Variants in NELL1 observed in about 807,000 individuals in gnomAD.
NELL1 encodes the protein protein kinase C-binding protein NELL1.
In NELL1, 76 loss-of-function variants were observed where a neutral mutation model predicts 107.4. The ratio of observed to expected loss-of-function variants is 0.71; its 90% CI spans 0.59 to 0.86. NELL1 has a LOEUF of 0.86. Among genes scored for constraint, NELL1 ranks in the 40% least tolerant of loss-of-function variants. NELL1 has a pLI of 0.00. For missense variants in NELL1, 1,024 were observed against 1,005.5 expected (o/e 1.02, Z -0.25); for synonymous variants, 353 against 341.2 (o/e 1.03, Z -0.38).
At chr11:21,228,902 T>A (rs1857968799) in intron 13 of NELL1, among the ~76,000 whole-genome samples, 1 of 151,726 alleles carries the variant, frequency 6.6e-6, no homozygotes, top group African/African-American at 2.4e-5. Context: ...ATTCCTGGCC[T>A]TTATTCCCTA....
At chr11:21,311,820 T>C (rs1849755734) in intron 14 of NELL1, among the ~76,000 whole-genome samples, 1 of 152,178 alleles carries the variant, frequency 6.6e-6, no homozygotes, top group African/African-American at 2.4e-5. Flanking sequence ...TTATACATGG[T>C]ACTATTGTCT....
At chr11:20,691,973 G>A (rs2133867549) in intron 2 of NELL1, among the ~76,000 whole-genome samples, 1 of 152,180 alleles carries the variant, frequency 6.6e-6, no homozygotes, top group Non-Finnish European at 1.5e-5. Flanking sequence ...CCTGTTATTG[G>A]TCTATTCAGA....
chr11:20,671,379 G>A (rs1853905437), intron 1 of NELL1: 1 of 152,332 alleles, frequency 6.6e-6, no homozygotes, highest in African/African-American at 2.4e-5. Context: ...GAAGAAGCTA[G>A]GTAGGGAGGG....
At chr11:20,987,783 A>G (rs1405454273) in intron 12 of NELL1, among the ~76,000 whole-genome samples, 2 of 152,196 alleles carry the variant, frequency 1.3e-5, no homozygotes, top group Non-Finnish European at 2.9e-5. Context: ...AATGAGGATA[A>G]CAATAGTACT....
At chr11:21,442,796 G>A (rs1355806515) in intron 15 of NELL1, among the ~76,000 whole-genome samples, 1 of 152,004 alleles carries the variant, frequency 6.6e-6, no homozygotes, top group African/African-American at 2.4e-5. Context: ...GCACCATTTT[G>A]GAGAGTTTAC....
chr11:20,907,060 C>T (rs1590402510), intron 5 of NELL1, among the ~76,000 whole-genome samples: 1 of 151,938 alleles, frequency 6.6e-6, no homozygotes, highest in East Asian at 1.9e-4. Flanking sequence ...CTCACAGATG[C>T]CATGATTCTA....
chr11:21,393,607 G>C (rs1851924972), intron 15 of NELL1, among the ~76,000 whole-genome samples: 1 of 151,664 alleles, frequency 6.6e-6, no homozygotes, highest in Non-Finnish European at 1.5e-5. Flanking sequence ...TTAGTGACCT[G>C]CATTTGGCTA....
chr11:21,419,752 TAGA>T (rs1478060791), intron 15 of NELL1, among the ~76,000 whole-genome samples: 4 of 152,146 alleles, frequency 2.6e-5, no homozygotes, highest in Admixed American at 2.6e-4. Context: ...AAAGTACACA[TAGA>T]AGATATCAAG....
intron 3 of NELL1, among the ~76,000 whole-genome samples, chr11:20,845,808 G>A (rs1848693337): frequency 6.6e-6 from 1 of 151,968 alleles, no homozygotes; most frequent in South Asian, 2.1e-4. Flanking sequence ...CCGTGGGGAG[G>A]GACATATTTT....
chr11:20,821,938 A>G (rs1016020823), intron 3 of NELL1, among the ~76,000 whole-genome samples: 1 of 152,200 alleles, frequency 6.6e-6, no homozygotes, highest in Admixed American at 6.5e-5. Flanking sequence ...GCCTCTCTCT[A>G]GTTCCCACTG....
chr11:21,108,180 T>G (rs1400380), intron 12 of NELL1, among the ~76,000 whole-genome samples: 54,067 of 152,008 alleles, frequency 0.36, 10,918 homozygotes, highest in African/African-American at 0.55. Context: ...CTTTTTCTAG[T>G]AAATGTTTAT....
At chr11:21,128,660 C>T (rs945331625) in intron 13 of NELL1, among the ~76,000 whole-genome samples, 3 of 152,134 alleles carry the variant, frequency 2.0e-5, no homozygotes, top group Non-Finnish European at 4.4e-5. Context: ...TTAGAAGAGG[C>T]AGACCTTATC....
At chr11:21,215,856 C>G (rs1355488976) in intron 13 of NELL1, among the ~76,000 whole-genome samples, 1 of 152,152 alleles carries the variant, frequency 6.6e-6, no homozygotes, top group East Asian at 1.9e-4. Context: ...GAAAAGAAAA[C>G]TGACTTTCTG....
intron 2 of NELL1, among the ~76,000 whole-genome samples, chr11:20,770,308 C>G (rs560397673): frequency 6.6e-6 from 1 of 152,140 alleles, no homozygotes; most frequent in Non-Finnish European, 1.5e-5. Flanking sequence ...ATGTTTAATA[C>G]AGTCAGAATA....
chr11:20,755,550 G>GTTTTTTTTTTTTTTTTTT (rs1226891368), intron 2 of NELL1, among the ~76,000 whole-genome samples: 5 of 114,568 alleles, frequency 4.4e-5, no homozygotes, highest in African/African-American at 2.2e-4. Context: ...GTTTTTTTTT[G>GTTTTTTTTTTTTTTTTTT]TTTTTGTTTT....
At chr11:21,217,945 C>T (rs1292104696) in intron 13 of NELL1, among the ~76,000 whole-genome samples, 2 of 152,094 alleles carry the variant, frequency 1.3e-5, no homozygotes, top group African/African-American at 2.4e-5. Context: ...TGAGACTTTC[C>T]ATGGACAGGA....
At chr11:20,984,513 C>T (rs1223031857) in intron 12 of NELL1, among the ~76,000 whole-genome samples, 1 of 152,176 alleles carries the variant, frequency 6.6e-6, no homozygotes, top group Non-Finnish European at 1.5e-5. Context: ...TGATGTAATT[C>T]ATTCCCTTTC....
chr11:21,120,791 C>A (rs1855349914), intron 13 of NELL1, among the ~76,000 whole-genome samples: 1 of 152,252 alleles, frequency 6.6e-6, no homozygotes, highest in Non-Finnish European at 1.5e-5. Flanking sequence ...TGTGCTACTA[C>A]TTTTGCATAT....
At chr11:21,560,534 T>A in intron 17 of NELL1, 152 bp downstream of exon 17, 2 of 678,618 alleles carry the variant, frequency 2.9e-6, no homozygotes, top group Non-Finnish European at 4.8e-6. Context: ...ATGATGATGC[T>A]AAGGGGTAGG....
Sources: allele counts gnomAD v4.1 joint callset (sites outside exome capture counted in the v4.1 genomes callset), GRCh38; gene constraint gnomAD v4.1.1; transcripts MANE v1.5; gene names NCBI Gene and HGNC (gene_info 2026-07-23, HGNC 2026-07-21).